Variants in TRAPPC9 observed in about 807,000 individuals in gnomAD.
The protein encoded by TRAPPC9 is trafficking protein particle complex subunit 9.
In TRAPPC9, 83 loss-of-function variants were observed where a neutral mutation model predicts 124.0. That is an observed-to-expected ratio of 0.67 (90% confidence interval 0.56 to 0.80). TRAPPC9 has a LOEUF of 0.80. TRAPPC9 is among the 30% of genes least tolerant of loss of function. The probability of loss-of-function intolerance (pLI) is 0.00; values close to 1 mark genes in which losing one functional copy is unlikely to be tolerated. For synonymous variants in TRAPPC9, 638 were observed against 617.5 expected, an observed-to-expected ratio of 1.03 and a Z score of -0.49; for missense variants, 1,302 against 1,508.3, an observed-to-expected ratio of 0.86 and a Z score of 2.27.
At chr8:139,761,591 C>T (rs1207108622) in intron 21 of TRAPPC9, among the ~76,000 whole-genome samples, 2 of 152,054 alleles carry the variant, frequency 1.3e-5, no homozygotes, top group Non-Finnish European at 2.9e-5. Flanking sequence ...GACCTGGGAC[C>T]CAACCCCTCA....
intron 17 of TRAPPC9, among the ~76,000 whole-genome samples, chr8:140,205,742 G>A (rs1193463515): frequency 2.0e-5 from 3 of 152,164 alleles, no homozygotes; most frequent in Non-Finnish European, 2.9e-5. Flanking sequence ...AACCTAATTC[G>A]AATGTGGGCT....
In TRAPPC9 at chr8:140,045,716, C is replaced by T. The variant is rs538244542; in HGVS notation, c.2557-21637G>A. On this transcript the variant is annotated intron_variant, in intron 17 of 22. Transcript: ENST00000438773. ...ACACTATACATCCTAAGGAAGATGA[C>T]GGTGGCTGCTCAGGTCTTCTGGGGA... is the stretch of plus-strand genomic sequence containing the variant. 6.0e-4 allele frequency among the ~76,000 whole-genome samples: 89 copies of T among 148,460 alleles called. 1 individual carries two copies. The highest frequency in any genetic ancestry group is 2.1e-3 in the African/African-American group (85 of 39,866).
At chr8:139,947,014 A>C (rs1164672409) in intron 19 of TRAPPC9, among the ~76,000 whole-genome samples, 1 of 152,012 alleles carries the variant, frequency 6.6e-6, no homozygotes, top group Non-Finnish European at 1.5e-5. Flanking sequence ...AAAAAACCAA[A>C]AAAGGCCCTG....
chr8:139,917,162 A>ATTTTTTTTTTTTTT (rs1832191450), intron 19 of TRAPPC9, among the ~76,000 whole-genome samples: 10 of 70,918 alleles, frequency 1.4e-4, no homozygotes, highest in African/African-American at 3.5e-4. Context: ...CTTCATTATT[A>ATTTTTTTTTTTTTT]TTTTCTTTTT....
chr8:140,453,097 T>G (rs2071527487), intron 1 of TRAPPC9, among the ~76,000 whole-genome samples: 1 of 152,160 alleles, frequency 6.6e-6, no homozygotes, highest in Admixed American at 6.5e-5. Context: ...ATAAAAAGTC[T>G]AATTTTTTTA....
chr8:139,861,756 C>T (rs947701963), intron 21 of TRAPPC9, among the ~76,000 whole-genome samples: 2 of 152,106 alleles, frequency 1.3e-5, no homozygotes, highest in Non-Finnish European at 2.9e-5. Context: ...CCCCCTGAGT[C>T]TCCAAGCCTT....
intron 17 of TRAPPC9, among the ~76,000 whole-genome samples, chr8:140,198,841 G>A (rs1372823164): frequency 6.6e-6 from 1 of 152,188 alleles, no homozygotes; most frequent in African/African-American, 2.4e-5. Context: ...CTGGTAGTCT[G>A]AGAAGTTGGC....
intron 3 of TRAPPC9, among the ~76,000 whole-genome samples, chr8:140,437,929 G>A (rs7820997): frequency 0.43 from 65,554 of 152,088 alleles, 15,678 homozygotes; most frequent in Non-Finnish European, 0.53. Context: ...CCGCTCTGCC[G>A]ACTGCTGCGG....
At chr8:140,226,268 C>T (rs1381344849) in intron 16 of TRAPPC9, among the ~76,000 whole-genome samples, 1 of 152,082 alleles carries the variant, frequency 6.6e-6, no homozygotes, top group Non-Finnish European at 1.5e-5. Context: ...GAAAAGACTC[C>T]GGTTTGTCTT....
chr8:140,222,506 A>C (rs2063357864), intron 16 of TRAPPC9, among the ~76,000 whole-genome samples: 1 of 151,446 alleles, frequency 6.6e-6, no homozygotes, highest in Non-Finnish European at 1.5e-5. Flanking sequence ...CGTTGCCTTC[A>C]CTCCTTTCCC....
intron 17 of TRAPPC9, among the ~76,000 whole-genome samples, chr8:140,156,355 T>C (rs2061630246): frequency 6.6e-6 from 1 of 152,188 alleles, no homozygotes. Context: ...CAGTTTCTGC[T>C]CTGAAAAGTG....
chr8:140,366,706 T>C (rs1452415041), intron 8 of TRAPPC9, among the ~76,000 whole-genome samples: 1 of 152,166 alleles, frequency 6.6e-6, no homozygotes, highest in Non-Finnish European at 1.5e-5. Flanking sequence ...GTATAACCCA[T>C]CAAAGAAAGA....
At chr8:139,815,998 G>A (rs1298946142) in intron 21 of TRAPPC9, among the ~76,000 whole-genome samples, 1 of 152,244 alleles carries the variant, frequency 6.6e-6, no homozygotes, top group Admixed American at 6.5e-5. Context: ...CCAGGCTGGG[G>A]ACCGGGCGGG....
intron 21 of TRAPPC9, among the ~76,000 whole-genome samples, chr8:139,870,332 T>TTG (rs1828820062): frequency 6.6e-6 from 1 of 152,226 alleles, no homozygotes; most frequent in Non-Finnish European, 1.5e-5. Context: ...GGGAGAATGT[T>TTG]TTAAAAATGT....
Position 140,196,752 on chromosome 8 carries a change from AAC to A in TRAPPC9, c.2556+24705_2556+24706del, listed in dbSNP as rs555241151. 1.1e-3 allele frequency among the ~76,000 whole-genome samples: 166 copies of A among 151,104 alleles called. 5 individuals carry two copies. Among genetic ancestry groups the A allele is most frequent in the African/African-American group, 3.9e-3 (157 of 40,538 alleles). On this transcript the variant is annotated intron_variant, in intron 17 of 22. Coordinates refer to ENST00000438773, the MANE Select transcript of TRAPPC9 (RefSeq NM_001160372.4). ...ACACAGCTTGCACCTGTGACACTAAAACACACTCAATGATCCGCTATACAGCT... is the reference window on the plus strand; with the variant it reads ...ACACAGCTTGCACCTGTGACACTAAAACACTCAATGATCCGCTATACAGCT...
At chr8:140,153,475 CTG>C (rs1022073201) in intron 17 of TRAPPC9, among the ~76,000 whole-genome samples, 1 of 152,084 alleles carries the variant, frequency 6.6e-6, no homozygotes, top group Non-Finnish European at 1.5e-5. Flanking sequence ...TATCAACACT[CTG>C]TGCACATGTG....
intron 2 of TRAPPC9, 83 bp from the exon 3 acceptor site, chr8:140,439,280 T>A: frequency 6.7e-7 from 1 of 1,488,868 alleles, no homozygotes; most frequent in Non-Finnish European, 9.3e-7. Flanking sequence ...TTCAATTCTC[T>A]CACTACTAAA....
intron 19 of TRAPPC9, among the ~76,000 whole-genome samples, chr8:139,923,606 T>C (rs1186876245): frequency 6.6e-6 from 1 of 151,766 alleles, no homozygotes; most frequent in African/African-American, 2.4e-5. Context: ...TTCTAGTGGC[T>C]TCCCTGACGA....
At chr8:140,402,542 A>G (rs2069315453) in intron 6 of TRAPPC9, among the ~76,000 whole-genome samples, 1 of 152,158 alleles carries the variant, frequency 6.6e-6, no homozygotes, top group East Asian at 1.9e-4. Flanking sequence ...AAAAATACAA[A>G]AAAAATAGCT....
Sources: allele counts gnomAD v4.1 joint callset (sites outside exome capture counted in the v4.1 genomes callset), GRCh38; gene constraint gnomAD v4.1.1; transcripts MANE v1.5; gene names NCBI Gene and HGNC (gene_info 2026-07-23, HGNC 2026-07-21).